GPI: variants seen among roughly 807,000 people sequenced by gnomAD.
GPI encodes the protein glucose-6-phosphate isomerase, also known as D-hexose-6-phosphate anomerase.
Under a neutral mutation model 75.8 loss-of-function variants are expected in GPI, and 56 were observed. The observed-to-expected ratio is 0.74, with a 90% CI of 0.60 to 0.92. GPI has a LOEUF of 0.92. GPI is among the 40% of genes least tolerant of loss of function. The pLI, the probability that GPI is intolerant of heterozygous loss-of-function variation, is 0.00. For synonymous variants in GPI, 288 were observed against 285.4 expected, an observed-to-expected ratio of 1.01 and a Z score of -0.09; for missense variants, 638 against 741.0, an observed-to-expected ratio of 0.86 and a Z score of 1.61.
chr19:34,382,398 G>C (rs1490788645), intron 9 of GPI, among the ~76,000 whole-genome samples: 1 of 152,168 alleles, frequency 6.6e-6, no homozygotes, highest in African/African-American at 2.4e-5. Flanking sequence ...ACCAGGGTCT[G>C]GGAGAGAATG....
chr19:34,369,077 C>A (rs1258117581), intron 4 of GPI, among the ~76,000 whole-genome samples: 1 of 149,798 alleles, frequency 6.7e-6, no homozygotes, highest in Non-Finnish European at 1.5e-5. Flanking sequence ...GAGATGGAGT[C>A]TCACTCTCTC....
upstream of GPI, among the ~76,000 whole-genome samples, chr19:34,363,970 C>T (rs2074319000): frequency 6.6e-6 from 1 of 152,196 alleles, no homozygotes; most frequent in South Asian, 2.1e-4. Flanking sequence ...CTGGAAAGTC[C>T]TGTGACCCCT....
At chr19:34,365,777 T>A in intron 1 of GPI, 1 of 474,174 alleles carries the variant, frequency 2.1e-6, no homozygotes, top group Non-Finnish European at 4.2e-6. Context: ...CCTGGCCACA[T>A]GAGCTTGGGA....
chr19:34,378,332 C>T (rs1045042130), intron 6 of GPI, among the ~76,000 whole-genome samples: 6 of 152,064 alleles, frequency 3.9e-5, no homozygotes, highest in Non-Finnish European at 8.8e-5. Flanking sequence ...GTAGCTGGGA[C>T]TAGGCACACA....
chr19:34,374,733 GT>G (rs562532196), intron 4 of GPI, among the ~76,000 whole-genome samples: 171 of 139,740 alleles, frequency 1.2e-3, no homozygotes, highest in Middle Eastern at 3.6e-3. Flanking sequence ...TTTTTTCTTT[GT>G]TTTTTTTTTT....
intron 9 of GPI, among the ~76,000 whole-genome samples, chr19:34,387,620 G>A (rs976134238): frequency 6.6e-6 from 1 of 151,806 alleles, no homozygotes; most frequent in South Asian, 2.1e-4. Context: ...CAGTGAGTCT[G>A]TGGATCCAGG....
In GPI at chr19:34,399,314, T is replaced by C. The variant is rs1006505388; in HGVS notation, c.1377T>C (p.Leu459=). 2.2e-5 allele frequency: 35 copies of C among 1,614,006 alleles called. No individual in the cohort carries two copies. The highest frequency in any genetic ancestry group is 2.5e-5 in the Non-Finnish European group (29 of 1,180,024). ...LQAAGKSPED[L]ERLLPHKVFE... is the part of the protein sequence containing the mutation. ...CTGCGGGCAAGAGTCCAGAGGACCT[T>C]GAGAGGCTGCTGCCACATAAGGTCA... Residue 459 remains leucine (L), a synonymous_variant, in exon 15 of 18, where the codon CTT becomes CTC. Transcript: ENST00000356487.
At chr19:34,371,716 A>C (rs1451690188) in intron 4 of GPI, among the ~76,000 whole-genome samples, 1 of 151,518 alleles carries the variant, frequency 6.6e-6, no homozygotes, top group Non-Finnish European at 1.5e-5. Context: ...TTAGCCTGGC[A>C]TGGTGGTGCA....
chr19:34,383,356 G>T (rs925837636), intron 9 of GPI, among the ~76,000 whole-genome samples: 5 of 152,334 alleles, frequency 3.3e-5, no homozygotes, highest in African/African-American at 1.2e-4. Context: ...GTCAGGTGAA[G>T]TCTGAGGAGC....
Position 34,400,006 on chromosome 19 carries a change from C to A in GPI, c.1647C>A (p.Ile549=), listed in dbSNP as rs750558086. The A allele has an allele frequency of 2.9e-5, 47 of 1,613,336 alleles. No homozygotes were observed. Among genetic ancestry groups the A allele is most frequent in the Non-Finnish European group, 3.7e-5 (44 of 1,180,006 alleles). The change falls in exon 18 of 18, where the codon ATC becomes ATA. Residue 549 remains isoleucine, a synonymous_variant. Transcript: ENST00000356487. ...DASTNGLINF[I]KQQREARVQ ...CTACCAATGGGCTCATCAACTTCAT[C>A]AAGCAGCAGCGCGAGGCCAGAGTCC... is the stretch of plus-strand genomic sequence containing the variant.
At chr19:34,395,052 C>G (rs1288188550) in intron 12 of GPI, among the ~76,000 whole-genome samples, 2 of 152,146 alleles carry the variant, frequency 1.3e-5, no homozygotes, top group African/African-American at 4.8e-5. Flanking sequence ...CAGTCCCTGT[C>G]CAGCAGCTCT....
At chr19:34,371,377 A>C (rs1171565942) in intron 4 of GPI, among the ~76,000 whole-genome samples, 1 of 152,198 alleles carries the variant, frequency 6.6e-6, no homozygotes, top group African/African-American at 2.4e-5. Flanking sequence ...TACAAAGTAG[A>C]GTCAGCACAT....
intron 9 of GPI, among the ~76,000 whole-genome samples, chr19:34,390,052 C>G (rs1391062997): frequency 6.6e-6 from 1 of 152,204 alleles, no homozygotes; most frequent in Non-Finnish European, 1.5e-5. Flanking sequence ...ATATGACCCA[C>G]TGGGCCTGTC....
intron 8 of GPI, chr19:34,379,984 GGTTTT>G (rs1441546353): frequency 1.4e-4 from 20 of 145,106 alleles, no homozygotes; most frequent in Admixed American, 4.8e-4. Context: ...TAGTGTGTGT[GGTTTT>G]GTTTTTTTTT....
At chr19:34,368,744 TGA>T (rs1314649520) in intron 4 of GPI, 42 bp downstream of exon 4, 4 of 1,612,974 alleles carry the variant, frequency 2.5e-6, no homozygotes, top group East Asian at 2.2e-5. Flanking sequence ...GCCGTGTGTG[TGA>T]GTTATTTGGG....
At chr19:34,375,350 A>G (rs1042184514) in intron 4 of GPI, among the ~76,000 whole-genome samples, 2 of 151,796 alleles carry the variant, frequency 1.3e-5, no homozygotes, top group Admixed American at 6.6e-5. Context: ...GGGTTTCACC[A>G]TGTTGACTAG....
rs192983995 is a variant in GPI, at chr19:34,388,004, G to A, written c.805-5244G>A. ...AGGTGTTTGTACCTGGGTCTGCCTG[G>A]TGATGTCTAGGGAACCCTAAAGATC... On this transcript the variant is annotated intron_variant, in intron 9 of 17. Coordinates refer to ENST00000356487, the MANE Select transcript of GPI (RefSeq NM_000175.5). Among the ~76,000 whole-genome samples, 3 of 152,278 alleles carry A rather than the reference G, an allele frequency of 2.0e-5. No individual in the cohort carries two copies. The East Asian group carries it at 5.8e-4, about 29-fold the overall frequency.
intron 3 of GPI, chr19:34,367,090 C>T: frequency 1.5e-6 from 1 of 670,122 alleles, no homozygotes; most frequent in Non-Finnish European, 2.7e-6. Context: ...GAGCATATCT[C>T]ATACCCACAG....
Position 34,401,808 on chromosome 19 carries a change from TA to T in GPI, c.*1781del, listed in dbSNP as rs1304339136. 5.9e-5 allele frequency: 9 copies of T among 151,916 alleles called. No homozygotes were observed. The highest frequency in any genetic ancestry group is 8.8e-5 in the Non-Finnish European group (6 of 67,986). The allele number at this position is 151,916 out of a possible 1,614,324, so 9.4% of individuals were successfully genotyped here. A position where few individuals can be genotyped will look rare whatever the true frequency, so the allele number is the denominator to read the frequency against. On this transcript the variant is annotated 3_prime_UTR_variant, in exon 18 of 18. Coordinates refer to ENST00000356487, the MANE Select transcript of GPI (RefSeq NM_000175.5). ...TGCATGCCAGTACACCCAGCTCATTTAAAAAAAAATTTTTTTCTTTTTTGAG... is the reference window on the plus strand; with the variant it reads ...TGCATGCCAGTACACCCAGCTCATTTAAAAAAAATTTTTTTCTTTTTTGAG...
Sources: gnomAD v4.1 joint callset for allele counts (sites outside exome capture counted in the v4.1 genomes callset) on GRCh38, gnomAD v4.1.1 for gene constraint, MANE v1.5 for transcripts, NCBI Gene and HGNC (gene_info 2026-07-23, HGNC 2026-07-21) for gene names.